Variants in WBP1L observed in about 807,000 individuals in gnomAD.
WBP1L encodes the protein WW domain binding protein 1-like.
Under a neutral mutation model 33.7 loss-of-function variants are expected in WBP1L, and 17 were observed. The ratio of observed to expected loss-of-function variants is 0.50; its 90% CI spans 0.34 to 0.76. WBP1L has a LOEUF of 0.76. Among genes scored for constraint, WBP1L ranks in the 30% least tolerant of loss-of-function variants. WBP1L has a pLI of 0.01. For missense variants in WBP1L, 389 were observed against 469.4 expected (o/e 0.83, Z 1.58); for synonymous variants, 173 against 190.8 (o/e 0.91, Z 0.77).
At chr10:102,746,642 A>T (rs950984429) in intron 1 of WBP1L, among the ~76,000 whole-genome samples, 1 of 151,766 alleles carries the variant, frequency 6.6e-6, no homozygotes, top group Non-Finnish European at 1.5e-5. Context: ...GCTTGTACAA[A>T]TCAGTAAGGA....
chr10:102,814,789 C>T lies in WBP1L; in HGVS notation c.*1458C>T, dbSNP rs1843906216. The T allele has an allele frequency of 6.6e-6, 1 of 152,414 alleles. No individual in the cohort carries two copies. The highest frequency in any genetic ancestry group is 2.1e-4 in the South Asian group (1 of 4,824). 9.4% of individuals were successfully genotyped at this position (152,414 alleles called of 1,614,324 possible). On this transcript the variant is annotated 3_prime_UTR_variant, in exon 4 of 4. Transcript: ENST00000448841. ...CAAAACAAACATTCCCCACCCGGCC[C>T]TGTGCATATGAAGTCTTTCTTCCCC... is the stretch of plus-strand genomic sequence containing the variant.
At chr10:102,776,290 A>C in intron 1 of WBP1L, 1 of 1,611,176 alleles carries the variant, frequency 6.2e-7, no homozygotes, top group South Asian at 1.1e-5. Context: ...GTGAACCAGG[A>C]CCACCGCACA....
In WBP1L at chr10:102,816,113, A is replaced by G. The variant is rs6892; in HGVS notation, c.*2782A>G. 22,899 of 152,600 alleles carry G rather than the reference A, an allele frequency of 0.15. 2,217 individuals are homozygous for G. Among genetic ancestry groups the G allele is most frequent in the Admixed American group, 0.22 (3,371 of 15,280 alleles). 9.5% of individuals were successfully genotyped at this position (152,600 alleles called of 1,614,324 possible). ...TGAGGCACGTTACCCTTTGTCAGTT[A>G]TTGTGAATATGTGTATTTTAAGCAA... On this transcript the variant is annotated 3_prime_UTR_variant, in exon 4 of 4. Coordinates refer to ENST00000448841, the MANE Select transcript of WBP1L (RefSeq NM_001083913.2).
intron 1 of WBP1L, among the ~76,000 whole-genome samples, chr10:102,791,158 A>G (rs1478809147): frequency 6.6e-6 from 1 of 152,168 alleles, no homozygotes; most frequent in Non-Finnish European, 1.5e-5. Flanking sequence ...CCCAAGATCA[A>G]CAAACTACCC....
At chr10:102,806,936 G>GA (rs1843745360) in intron 2 of WBP1L, among the ~76,000 whole-genome samples, 1 of 152,042 alleles carries the variant, frequency 6.6e-6, no homozygotes, top group Non-Finnish European at 1.5e-5. Flanking sequence ...AAATAAGGGG[G>GA]AAAAACATCA....
rs779074252 is a variant in WBP1L, at chr10:102,812,881, G to A, written c.642G>A (p.Gly214=). Residue 214 remains glycine (G), a synonymous_variant, in exon 4 of 4, where the codon GGG becomes GGA. Coordinates refer to ENST00000448841, the MANE Select transcript of WBP1L (RefSeq NM_001083913.2). ...ACCGAGCAGCCACCAAAGCCCCAGG[G>A]ATGGAGCCCAGTGGCTCTGTGGCTG... The part of the protein sequence containing the change: ...PVDRAATKAP[G]MEPSGSVAGL... 6.3e-7 allele frequency: 1 copy of A among 1,574,970 alleles called. No individual in the cohort carries two copies. The highest frequency in any genetic ancestry group is 1.8e-5 in the Admixed American group (1 of 56,436).
rs185654978 is a variant in WBP1L, at chr10:102,754,765, C to T, written c.90+10622C>T. Among the ~76,000 whole-genome samples, 191 of 150,932 alleles carry T rather than the reference C, an allele frequency of 1.3e-3. 1 individual carries two copies. The highest frequency in any genetic ancestry group is 4.2e-3 in the African/African-American group (172 of 41,084). On this transcript the variant is annotated intron_variant, in intron 1 of 3. Coordinates refer to ENST00000448841, the MANE Select transcript of WBP1L (RefSeq NM_001083913.2). ...TGCTGCCCAGGCTGGAGTACAGTGG[C>T]GCAATCATAGCTCACTGCAGCTTCG...
chr10:102,763,673 T>A (rs1843071570), intron 1 of WBP1L, among the ~76,000 whole-genome samples: 1 of 152,192 alleles, frequency 6.6e-6, no homozygotes, highest in Non-Finnish European at 1.5e-5. Context: ...AAGGTCACTT[T>A]ACATTTTCAG....
chr10:102,766,692 G>A (rs1225028694), intron 1 of WBP1L, among the ~76,000 whole-genome samples: 1 of 151,706 alleles, frequency 6.6e-6, no homozygotes, highest in East Asian at 2.0e-4. Flanking sequence ...AATTAGCTGG[G>A]CATGGTGGCA....
chr10:102,786,051 C>T (rs1191083181), intron 1 of WBP1L, among the ~76,000 whole-genome samples: 1 of 152,194 alleles, frequency 6.6e-6, no homozygotes, highest in Non-Finnish European at 1.5e-5. Flanking sequence ...ATTTGTTATT[C>T]AGGTTCCTAA....
At chr10:102,785,213 C>T (rs1488021844) in intron 1 of WBP1L, among the ~76,000 whole-genome samples, 1 of 110,662 alleles carries the variant, frequency 9.0e-6, no homozygotes. Flanking sequence ...GACAGAGTTT[C>T]GATCTTGTTG....
intron 2 of WBP1L, among the ~76,000 whole-genome samples, chr10:102,799,926 G>A (rs1843631118): frequency 6.6e-6 from 1 of 152,140 alleles, no homozygotes; most frequent in Admixed American, 6.6e-5. Context: ...CCTCACCCTC[G>A]CTTTTCCCTT....
At position 102,768,611 on chromosome 10, in the gene WBP1L, G is replaced by A. The variant is rs1436701929; in HGVS notation, c.90+24468G>A. 7.9e-5 allele frequency among the ~76,000 whole-genome samples: 4 copies of A among 50,716 alleles called. 2 individuals carry two copies. Among genetic ancestry groups the A allele is most frequent in the African/African-American group, 4.0e-4 (4 of 9,892 alleles). The allele number at this position is 50,716 out of a possible 152,430, so 33.3% of individuals were successfully genotyped here. ...TCACCTTGTTAGCCAGGATGGTCTCGATCTCCTGACCTCATGATCCACCCG... is the reference window on the plus strand; with the variant it reads ...TCACCTTGTTAGCCAGGATGGTCTCAATCTCCTGACCTCATGATCCACCCG... On this transcript the variant is annotated intron_variant, in intron 1 of 3. Coordinates refer to ENST00000448841, the MANE Select transcript of WBP1L (RefSeq NM_001083913.2).
In WBP1L at chr10:102,812,596, GT is replaced by G; in HGVS notation, c.362del (p.Leu121CysfsTer13). ...CTCCTTCCTACCTCCCCATTTTAGG[GT>G]TTTTGCCAAACTATTTACTACCTCC... is the stretch of plus-strand genomic sequence containing the variant. Reference protein sequence around the residue: ...NYSALPFYFRFLPNYLLPPYE... With the variant: ...NYSALPFYFRXLPNYLLPPYE... On this transcript the variant is annotated frameshift_variant and splice_region_variant, in exon 4 of 4. Transcript: ENST00000448841. LOFTEE classifies it high-confidence loss of function. The G allele has an allele frequency of 1.3e-6, 2 of 1,573,194 alleles. No individual in the cohort carries two copies. Among genetic ancestry groups the G allele is most frequent in the Non-Finnish European group, 1.7e-6 (2 of 1,156,450 alleles).
At chr10:102,760,667 G>C (rs920963163) in intron 1 of WBP1L, among the ~76,000 whole-genome samples, 2 of 151,820 alleles carry the variant, frequency 1.3e-5, no homozygotes, top group Admixed American at 1.3e-4. Flanking sequence ...GAGCCACCGT[G>C]CCTGGCCGAG....
chr10:102,748,606 G>C (rs1397979273), intron 1 of WBP1L, among the ~76,000 whole-genome samples: 1 of 152,202 alleles, frequency 6.6e-6, no homozygotes, highest in Non-Finnish European at 1.5e-5. Context: ...AGGCATCAAA[G>C]AATGGACATT....
At chr10:102,774,587 C>T (rs1369813624) in intron 1 of WBP1L, among the ~76,000 whole-genome samples, 1 of 152,186 alleles carries the variant, frequency 6.6e-6, no homozygotes, top group East Asian at 1.9e-4. Flanking sequence ...AATGATCAAA[C>T]AGTGCTTTTG....
chr10:102,815,482 A>C lies in WBP1L; in HGVS notation c.*2151A>C, dbSNP rs1402670542. On this transcript the variant is annotated 3_prime_UTR_variant, in exon 4 of 4. Coordinates refer to ENST00000448841, the MANE Select transcript of WBP1L (RefSeq NM_001083913.2). ...GGGTCTTCAATGACAGGCTTGGACT[A>C]GCTGTGGCCCAGACATCGGCCCTGC... 1.3e-5 allele frequency: 2 copies of C among 152,358 alleles called. No homozygotes were observed. Among genetic ancestry groups the C allele is most frequent in the African/African-American group, 4.8e-5 (2 of 41,458 alleles). 9.4% of individuals were successfully genotyped at this position (152,358 alleles called of 1,614,324 possible). A position where few individuals can be genotyped will look rare whatever the true frequency, so the allele number is the denominator to read the frequency against.
intron 1 of WBP1L, chr10:102,746,045 G>A (rs1590162369): frequency 6.3e-6 from 4 of 635,176 alleles, no homozygotes; most frequent in Middle Eastern, 1.6e-3. Context: ...AATAACATCG[G>A]TAGAGGTTTG....
Sources: gnomAD v4.1 joint callset for allele counts (sites outside exome capture counted in the v4.1 genomes callset) on GRCh38, gnomAD v4.1.1 for gene constraint, MANE v1.5 for transcripts, NCBI Gene and HGNC (gene_info 2026-07-23, HGNC 2026-07-21) for gene names.